UBE2H: variants seen among roughly 807,000 people sequenced by gnomAD.
UBE2H encodes the protein ubiquitin-conjugating enzyme E2 H.
In UBE2H, 3 loss-of-function variants were observed where a neutral mutation model predicts 29.0. The observed-to-expected ratio is 0.10, with a 90% CI of 0.05 to 0.27. The LOEUF is 0.27. Among genes scored for constraint, UBE2H ranks in the 10% least tolerant of loss-of-function variants. The probability of loss-of-function intolerance (pLI) is 1.00; values close to 1 mark genes in which losing one functional copy is unlikely to be tolerated. For missense variants in UBE2H, 68 were observed against 228.2 expected, an observed-to-expected ratio of 0.30 and a Z score of 4.52; for synonymous variants, 69 against 82.9, an observed-to-expected ratio of 0.83 and a Z score of 0.91.
chr7:129,874,392 C>A (rs1047042982), intron 3 of UBE2H, among the ~76,000 whole-genome samples: 35 of 151,576 alleles, frequency 2.3e-4, no homozygotes, highest in Admixed American at 2.0e-3. Flanking sequence ...TCCCTGCAGG[C>A]TACGCCTCCT....
At chr7:129,900,453 G>A (rs1806687480) in intron 1 of UBE2H, among the ~76,000 whole-genome samples, 1 of 152,092 alleles carries the variant, frequency 6.6e-6, no homozygotes, top group African/African-American at 2.4e-5. Flanking sequence ...TATAACATTT[G>A]TATATACTAT....
Position 129,924,902 on chromosome 7 carries a change from A to G in UBE2H, c.53+27601T>C, listed in dbSNP as rs185703256. ...AACCTTCAACCACCGCTGAACTCCCAAATCAGGTCCTCTGAGTTAAAGGTT... is the reference window on the plus strand; with the variant it reads ...AACCTTCAACCACCGCTGAACTCCCGAATCAGGTCCTCTGAGTTAAAGGTT... On this transcript the variant is annotated intron_variant, in intron 1 of 6. Transcript: ENST00000355621. 1.0e-3 allele frequency among the ~76,000 whole-genome samples: 154 copies of G among 152,194 alleles called. No individual in the cohort carries two copies. In the Middle Eastern group the frequency reaches 0.014, roughly 13 times the overall value.
At chr7:129,841,840 A>C (rs1180880951) in intron 5 of UBE2H, among the ~76,000 whole-genome samples, 3 of 152,206 alleles carry the variant, frequency 2.0e-5, no homozygotes, top group African/African-American at 7.2e-5. Flanking sequence ...AAGCAAAACA[A>C]AAATCACCTT....
At chr7:129,847,959 C>T (rs946220557) in intron 5 of UBE2H, among the ~76,000 whole-genome samples, 1 of 152,192 alleles carries the variant, frequency 6.6e-6, no homozygotes, top group Non-Finnish European at 1.5e-5. Flanking sequence ...GTAACTATGT[C>T]AAAACCAATA....
chr7:129,919,247 A>G, intron 1 of UBE2H, among the ~76,000 whole-genome samples: 1 of 152,194 alleles, frequency 6.6e-6, no homozygotes, highest in South Asian at 2.1e-4. Flanking sequence ...CAAAAAGACT[A>G]TAGTAAACAG....
intron 1 of UBE2H, among the ~76,000 whole-genome samples, chr7:129,896,750 C>G (rs1158467054): frequency 6.6e-6 from 1 of 152,110 alleles, no homozygotes. Flanking sequence ...TCTAACTTGA[C>G]ATATAGACTG....
intron 1 of UBE2H, among the ~76,000 whole-genome samples, chr7:129,903,970 GA>G (rs1276250753): frequency 6.6e-6 from 1 of 152,178 alleles, no homozygotes; most frequent in Non-Finnish European, 1.5e-5. Flanking sequence ...TTCCAGAAAA[GA>G]ATGTGCAAAA....
At position 129,854,497 on chromosome 7, in the gene UBE2H, C is replaced by T. The variant is rs373061110; in HGVS notation, c.298+3014G>A. 1.7e-3 allele frequency among the ~76,000 whole-genome samples: 263 copies of T among 152,278 alleles called. 2 individuals carry two copies. Among genetic ancestry groups the T allele is most frequent in the South Asian group, 5.4e-3 (26 of 4,830 alleles). On this transcript the variant is annotated intron_variant, in intron 5 of 6. Transcript: ENST00000355621. ...ACACTCCTGTATTATGGAACATGTTCAGTAACTCATACACATGTAACACAG... is the reference window on the plus strand; with the variant it reads ...ACACTCCTGTATTATGGAACATGTTTAGTAACTCATACACATGTAACACAG...
At chr7:129,883,814 C>T (rs966353026) in intron 1 of UBE2H, among the ~76,000 whole-genome samples, 1 of 152,084 alleles carries the variant, frequency 6.6e-6, no homozygotes, top group African/African-American at 2.4e-5. Context: ...TGTACTCCAG[C>T]CTGGGCAACA....
At chr7:129,877,355 TA>T (rs1806166386) in intron 3 of UBE2H, among the ~76,000 whole-genome samples, 1 of 152,132 alleles carries the variant, frequency 6.6e-6, no homozygotes, top group Non-Finnish European at 1.5e-5. Flanking sequence ...CCCTTCTGTA[TA>T]ATTTTACAAC....
chr7:129,896,004 A>G (rs1166951645), intron 1 of UBE2H, among the ~76,000 whole-genome samples: 1 of 152,138 alleles, frequency 6.6e-6, no homozygotes, highest in Non-Finnish European at 1.5e-5. Flanking sequence ...TTTATGGAGT[A>G]TCTATGTAGT....
chr7:129,873,236 G>T (rs1313373289), intron 3 of UBE2H, among the ~76,000 whole-genome samples: 3 of 151,548 alleles, frequency 2.0e-5, no homozygotes, highest in Non-Finnish European at 2.9e-5. Context: ...AGCCAGGATG[G>T]TCTCGATCTC....
intron 1 of UBE2H, among the ~76,000 whole-genome samples, chr7:129,904,637 T>C (rs1374350722): frequency 6.6e-6 from 1 of 152,234 alleles, no homozygotes. Flanking sequence ...ATTCCTGACA[T>C]GTAGCTGAGT....
At chr7:129,858,017 G>A (rs1805736800) in intron 4 of UBE2H, among the ~76,000 whole-genome samples, 1 of 152,162 alleles carries the variant, frequency 6.6e-6, no homozygotes, top group African/African-American at 2.4e-5. Flanking sequence ...AAAGATAAAG[G>A]CAGGCTGAGG....
Position 129,921,579 on chromosome 7 carries a change from G to A in UBE2H, c.53+30924C>T, listed in dbSNP as rs1202255879. Among the ~76,000 whole-genome samples the A allele has an allele frequency of 2.6e-5, 4 of 151,306 alleles. No homozygotes were observed. The East Asian group carries it at 5.9e-4, about 22-fold the overall frequency. ...CCAGGCATGGTGGCACACGTCTGTG[G>A]TCCCAGCTACTTGGGAGGCTGAGGC... On this transcript the variant is annotated intron_variant, in intron 1 of 6. Coordinates refer to ENST00000355621, the MANE Select transcript of UBE2H (RefSeq NM_003344.4).
rs57761509 is a variant in UBE2H at position 129,943,673 on chromosome 7, G to A, written c.53+8830C>T. On this transcript the variant is annotated intron_variant, in intron 1 of 6. Transcript: ENST00000355621. ...TCCCAGTACTTGAGAGGCAGAGGCAGGCGGATCACCTGAGGTCAAGAGTTC... is the reference window on the plus strand; with the variant it reads ...TCCCAGTACTTGAGAGGCAGAGGCAAGCGGATCACCTGAGGTCAAGAGTTC... Among the ~76,000 whole-genome samples, 1,210 of 152,318 alleles carry A rather than the reference G, an allele frequency of 7.9e-3. 15 individuals are homozygous for A. The highest frequency in any genetic ancestry group is 0.027 in the African/African-American group (1,142 of 41,562).
At chr7:129,945,692 G>A (rs540936765) in intron 1 of UBE2H, among the ~76,000 whole-genome samples, 5 of 151,372 alleles carry the variant, frequency 3.3e-5, no homozygotes, top group African/African-American at 1.2e-4. Flanking sequence ...GAGAAAAATG[G>A]CAAAGAATTA....
chr7:129,884,640 T>C (rs933463718), intron 1 of UBE2H, among the ~76,000 whole-genome samples: 3 of 151,082 alleles, frequency 2.0e-5, no homozygotes, highest in African/African-American at 7.3e-5. Context: ...TCATTCAGGC[T>C]ACAGTGCAGT....
At chr7:129,844,511 G>A (rs1377136345) in intron 5 of UBE2H, among the ~76,000 whole-genome samples, 5 of 152,156 alleles carry the variant, frequency 3.3e-5, no homozygotes, top group Middle Eastern at 6.8e-3. Flanking sequence ...TAATAATAAC[G>A]ATAAAAATGT....
Sources: gnomAD v4.1 joint callset for allele counts (sites outside exome capture counted in the v4.1 genomes callset) on GRCh38, gnomAD v4.1.1 for gene constraint, MANE v1.5 for transcripts, NCBI Gene and HGNC (gene_info 2026-07-23, HGNC 2026-07-21) for gene names.